HSPG2: variants seen among roughly 807,000 people sequenced by gnomAD.
HSPG2 encodes basement membrane-specific heparan sulfate proteoglycan core protein.
HSPG2 carries 278 observed loss-of-function variants against 526.6 expected under a neutral mutation model. The ratio of observed to expected loss-of-function variants is 0.53; its 90% CI spans 0.48 to 0.58. The LOEUF is 0.58. Among genes scored for constraint, HSPG2 ranks in the 20% least tolerant of loss-of-function variants. The pLI, the probability that HSPG2 is intolerant of heterozygous loss-of-function variation, is 0.00. For synonymous variants in HSPG2, 2,465 were observed against 2,555.4 expected (o/e 0.96, Z 1.07); for missense variants, 5,354 against 6,099.5 (o/e 0.88, Z 4.07).
chr1:21,875,494 A>C (rs1286713671), intron 25 of HSPG2, 135 bp downstream of exon 25: 1 of 745,656 alleles, frequency 1.3e-6, no homozygotes, highest in Non-Finnish European at 2.4e-6. Context: ...CATTGTTAAG[A>C]CTCTCCGTTT....
chr1:21,874,763 C>T (rs1234292702), intron 26 of HSPG2, 34 bp from the exon 27 acceptor site: 1 of 1,556,328 alleles, frequency 6.4e-7, no homozygotes, highest in African/African-American at 1.4e-5. Flanking sequence ...GGAGGGACTT[C>T]CGAACACGGC....
rs779813393 is a variant in HSPG2 at position 21,887,575 on chromosome 1, A to T, written c.803T>A (p.Val268Asp). 1.5e-5 allele frequency: 24 copies of T among 1,613,932 alleles called. No individual in the cohort carries two copies. The South Asian group carries it at 2.4e-4, about 16-fold the overall frequency. ...AAGCAGGGGCTGAGGAGCGTGGGTGACTGGTGGCTGTCGCATGATGGTTGT... is the reference window on the plus strand; with the variant it reads ...AAGCAGGGGCTGAGGAGCGTGGGTGTCTGGTGGCTGTCGCATGATGGTTGT... ...PETTIMRQPPVTHAPQPLLPG... is the reference protein window; with the variant it reads ...PETTIMRQPPDTHAPQPLLPG... Residue 268 changes from valine (V) to aspartate (D), a missense_variant, in exon 8 of 97, where the codon GTC (valine) becomes GAC (aspartate). Physicochemically the swap from Val to Asp is radical, Grantham distance 152. Transcript: ENST00000374695. The surrounding 1 kb of genome is among the most constrained non-coding windows in gnomAD (Gnocchi z 5.0).
chr1:21,852,076 G>A lies in HSPG2; in HGVS notation c.6870+12C>T. On this transcript the variant is annotated intron_variant, in intron 53 of 96. Coordinates refer to ENST00000374695, the MANE Select transcript of HSPG2 (RefSeq NM_005529.7). ...GTCCATGGCCCCGTCCCACATTCTT[G>A]GTGCCCTGTACCTGGTGCCGGGCAG... 1 of 1,606,656 alleles carries A rather than the reference G, an allele frequency of 6.2e-7. No individual in the cohort carries two copies. Among genetic ancestry groups the A allele is most frequent in the Non-Finnish European group, 8.5e-7 (1 of 1,177,110 alleles).
rs576315771 is a variant in HSPG2, at chr1:21,861,043, T to G, written c.4955+714A>C. Among the ~76,000 whole-genome samples, 3 of 152,354 alleles carry G rather than the reference T, an allele frequency of 2.0e-5. No homozygotes were observed. The South Asian group carries it at 6.2e-4, about 32-fold the overall frequency. On this transcript the variant is annotated intron_variant, in intron 39 of 96. Transcript: ENST00000374695. ...CGTATTACCTCAGAGCAGGCTGTAC[T>G]TTTCTTTCAGATAACTTAACATGGT...
chr1:21,824,951 G>A lies in HSPG2; in HGVS notation c.12590-172C>T, dbSNP rs2097965899. The A allele has an allele frequency of 6.0e-6, 4 of 671,224 alleles. No homozygotes were observed. The East Asian group carries it at 1.1e-4, about 18-fold the overall frequency. The allele number at this position is 671,224 out of a possible 1,614,324, so 41.6% of individuals were successfully genotyped here. A position where few individuals can be genotyped will look rare whatever the true frequency, so the allele number is the denominator to read the frequency against. Reference sequence around the variant, plus strand: ...CAGAATTCAGGGAGCCTATGACCTTGGATGGGAAAGCATTACACCTCAATT... The same window carrying A: ...CAGAATTCAGGGAGCCTATGACCTTAGATGGGAAAGCATTACACCTCAATT... On this transcript the variant is annotated intron_variant, in intron 91 of 96. Transcript: ENST00000374695. The surrounding 1 kb of genome is among the most constrained non-coding windows in gnomAD (Gnocchi z 5.9).
At chr1:21,876,716 A>G in intron 21 of HSPG2, 64 bp from the exon 22 acceptor site, 3 of 1,605,880 alleles carry the variant, frequency 1.9e-6, no homozygotes, top group Non-Finnish European at 2.6e-6. Context: ...GCTCTGGCCG[A>G]ATCCACCCTC....
intron 44 of HSPG2, 124 bp downstream of exon 44, chr1:21,856,891 G>C: frequency 3.8e-6 from 4 of 1,045,288 alleles, no homozygotes; most frequent in Non-Finnish European, 6.0e-6. Context: ...GCAGAGCCTA[G>C]ACCAGGACCA....
At position 21,887,750 on chromosome 1, in the gene HSPG2, G is replaced by C. The variant is rs1397518114; in HGVS notation, c.704-76C>G. 12 of 1,572,718 alleles carry C rather than the reference G, an allele frequency of 7.6e-6. No homozygotes were observed. Among genetic ancestry groups the C allele is most frequent in the Middle Eastern group, 1.8e-4 (1 of 5,702 alleles). The stretch of plus-strand genomic sequence containing the variant: ...TGCTCCTTGTCCCCAACCCTCCCCA[G>C]GCCCACCCTGTACTCCCCAACACCA... On this transcript the variant is annotated intron_variant, in intron 7 of 96. Coordinates refer to ENST00000374695, the MANE Select transcript of HSPG2 (RefSeq NM_005529.7). The surrounding 1 kb of genome is among the most constrained non-coding windows in gnomAD (Gnocchi z 5.0).
At position 21,890,792 on chromosome 1, in the gene HSPG2, C is replaced by T; in HGVS notation, c.245-98G>A. On this transcript the variant is annotated intron_variant, in intron 3 of 96. Coordinates refer to ENST00000374695, the MANE Select transcript of HSPG2 (RefSeq NM_005529.7). This position sits in a 1 kb window ranked among gnomAD's most constrained non-coding sequence, Gnocchi z 4.1. ...CAGGCAGAGTTGGGGGGATGGCCCC[C>T]AGAGGCCTCCCTCGAGGCTGACACC... The T allele has an allele frequency of 1.1e-6, 1 of 869,864 alleles. No individual in the cohort carries two copies. Among genetic ancestry groups the T allele is most frequent in the Non-Finnish European group, 1.9e-6 (1 of 527,704 alleles). The allele number at this position is 869,864 out of a possible 1,614,324, so 53.9% of individuals were successfully genotyped here.
Position 21,880,497 on chromosome 1 carries a change from C to T in HSPG2, c.2061G>A (p.Gln687=), listed in dbSNP as rs778915307. 1 of 1,613,576 alleles carries T rather than the reference C, an allele frequency of 6.2e-7. No individual in the cohort carries two copies. The highest frequency in any genetic ancestry group is 1.3e-5 in the African/African-American group (1 of 74,950). Residue 687 remains glutamine (Q), a synonymous_variant, in exon 16 of 97, where the codon CAG becomes CAA. Transcript: ENST00000374695. ...TCTGGATGAGCACGGCCTCCAGGCT[C>T]TGCAGCACCTGCAGCAGCTCCGCGC... ...VQRAELLQVL[Q]SLEAVLIQTV...
rs1639149791 is a variant in HSPG2, at chr1:21,854,200, G to A, written c.6432C>T (p.Tyr2144=). ...VLHGTHSGPS[Y]TPVPGSTRPI... ...CCACACCTGGCTCCTCACCTGGGGTGTAGCTGGGGCCAGAATGGGTGCCGT... is the reference window on the plus strand; with the variant it reads ...CCACACCTGGCTCCTCACCTGGGGTATAGCTGGGGCCAGAATGGGTGCCGT... The change falls in exon 50 of 97, where the codon TAC becomes TAT. Residue 2144 remains tyrosine, a synonymous_variant. Transcript: ENST00000374695. The A allele has an allele frequency of 1.9e-6, 3 of 1,589,484 alleles. No homozygotes were observed. The highest frequency in any genetic ancestry group is 1.7e-5 in the Admixed American group (1 of 57,478).
Position 21,848,754 on chromosome 1 carries a change from T to C in HSPG2, c.7626A>G (p.Ser2542=). 2.5e-6 allele frequency: 4 copies of C among 1,613,868 alleles called. No homozygotes were observed. Among genetic ancestry groups the C allele is most frequent in the Non-Finnish European group, 3.4e-6 (4 of 1,179,940 alleles). Residue 2542 remains serine, a synonymous_variant, in exon 59 of 97, where the codon TCA becomes TCG. Transcript: ENST00000374695. This position sits in a 1 kb window ranked among gnomAD's most constrained non-coding sequence, Gnocchi z 4.9. ...VAYPVRIESS[S]ASLANGHTLD... ...GGGTGTGTCCATTGGCCAGGGAGGC[T>C]GAGGAGGACTCGATGCGGACGGGGT...
intron 57 of HSPG2, 142 bp from the exon 58 acceptor site, chr1:21,849,173 C>T: frequency 1.0e-6 from 1 of 952,872 alleles, no homozygotes; most frequent in East Asian, 2.6e-5. Context: ...CCACCTTCTC[C>T]CTTCCTATCT....
intron 66 of HSPG2, among the ~76,000 whole-genome samples, 168 bp downstream of exon 66, chr1:21,843,129 G>A (rs558228325): frequency 1.3e-5 from 2 of 152,296 alleles, no homozygotes; most frequent in Non-Finnish European, 2.9e-5. Context: ...TTGAGGGGAC[G>A]GGACCATTGT....
In HSPG2 at chr1:21,854,241, T is replaced by G. The variant is rs536611967; in HGVS notation, c.6391A>C (p.Thr2131Pro). The G allele has an allele frequency of 6.3e-7, 1 of 1,596,544 alleles. No homozygotes were observed. Among genetic ancestry groups the G allele is most frequent in the Non-Finnish European group, 8.5e-7 (1 of 1,171,382 alleles). The change falls in exon 50 of 97, where the codon ACT becomes CCT. Residue 2131 changes from threonine (T) to proline (P), a missense_variant. Thr to Pro is a conservative substitution (Grantham distance 38, BLOSUM62 -1). Transcript: ENST00000374695. ...TGGGTGCCGTGGAGCACAGACACAGTAATGGAGGCCTCCTTGGGGCCCGAT... is the reference window on the plus strand; with the variant it reads ...TGGGTGCCGTGGAGCACAGACACAGGAATGGAGGCCTCCTTGGGGCCCGAT... The part of the protein sequence containing the change: ...NGSGPKEASI[T>P]VSVLHGTHSG...
intron 13 of HSPG2, among the ~76,000 whole-genome samples, chr1:21,883,837 C>A (rs1443365928): frequency 6.6e-6 from 1 of 152,200 alleles, no homozygotes; most frequent in African/African-American, 2.4e-5. Flanking sequence ...GGGCTCATGC[C>A]CTCAGCCATC....
chr1:21,881,955 A>G (rs1557777614), intron 13 of HSPG2, among the ~76,000 whole-genome samples: 2 of 151,682 alleles, frequency 1.3e-5, no homozygotes, highest in Non-Finnish European at 2.9e-5. Flanking sequence ...AAAAAAAAAA[A>G]AAAAAAAAAG....
chr1:21,829,979 C>G lies in HSPG2; in HGVS notation c.11770+14G>C. The G allele has an allele frequency of 6.3e-7, 1 of 1,596,896 alleles. No individual in the cohort carries two copies. The highest frequency in any genetic ancestry group is 8.5e-7 in the Non-Finnish European group (1 of 1,171,628). On this transcript the variant is annotated intron_variant, in intron 86 of 96. Transcript: ENST00000374695. Reference sequence around the variant, plus strand: ...CACTAGGACCCTGGGGGTCTCAGGCCTGGCTCCCCTCACCTTCCTCACACC... The same window carrying G: ...CACTAGGACCCTGGGGGTCTCAGGCGTGGCTCCCCTCACCTTCCTCACACC...
In HSPG2 at chr1:21,831,560, G is replaced by A; in HGVS notation, c.11355C>T (p.Gly3785=). The A allele has an allele frequency of 6.2e-7, 1 of 1,614,066 alleles. No homozygotes were observed. Among genetic ancestry groups the A allele is most frequent in the South Asian group, 1.1e-5 (1 of 91,084 alleles). The stretch of plus-strand genomic sequence containing the variant: ...CGTTCAGATCCAGGCCCTGGAACTT[G>A]CCCTGGGGAGGTGGGGAAGTCAGGA... ...DLAPVNGTSQ[G]KFQGLDLNEE... is the part of the protein sequence containing the mutation. The change falls in exon 83 of 97, where the codon GGC becomes GGT. Residue 3785 remains glycine (G), a splice_region_variant and synonymous_variant. Coordinates refer to ENST00000374695, the MANE Select transcript of HSPG2 (RefSeq NM_005529.7).
Sources: allele counts gnomAD v4.1 joint callset (sites outside exome capture counted in the v4.1 genomes callset), GRCh38; gene constraint gnomAD v4.1.1; non-coding constraint Gnocchi (gnomAD v3.1); transcripts MANE v1.5; gene names NCBI Gene and HGNC (gene_info 2026-07-23, HGNC 2026-07-21).